Variants in CRTC1 observed in about 807,000 individuals in gnomAD.
CRTC1 encodes CREB regulated transcription coactivator 1.
CRTC1 carries 18 observed loss-of-function variants against 66.1 expected under a neutral mutation model. That is an observed-to-expected ratio of 0.27 (90% CI 0.19 to 0.40). The LOEUF is 0.40. Ranked by LOEUF, CRTC1 falls within the 10% of genes least tolerant of loss-of-function variation. CRTC1 has a pLI of 1.00. For missense variants in CRTC1, 669 were observed against 887.9 expected (o/e 0.75, Z 3.13); for synonymous variants, 416 against 398.8 (o/e 1.04, Z -0.51).
chr19:18,731,598 C>T (rs1336464932), intron 1 of CRTC1, among the ~76,000 whole-genome samples: 1 of 152,236 alleles, frequency 6.6e-6, no homozygotes, highest in Non-Finnish European at 1.5e-5. Context: ...TAACACAGGA[C>T]CCGATTCATC....
intron 1 of CRTC1, among the ~76,000 whole-genome samples, chr19:18,695,819 C>T (rs1285104914): frequency 4.6e-5 from 7 of 152,190 alleles, no homozygotes; most frequent in African/African-American, 1.2e-4. Flanking sequence ...GAGCCGAGAT[C>T]GCGTCACTGC....
At chr19:18,730,003 C>T (rs1335222032) in intron 1 of CRTC1, among the ~76,000 whole-genome samples, 1 of 152,182 alleles carries the variant, frequency 6.6e-6, no homozygotes, top group Non-Finnish European at 1.5e-5. Flanking sequence ...CCAGGGGCCA[C>T]TGCCCAGCAG....
intron 1 of CRTC1, among the ~76,000 whole-genome samples, chr19:18,704,151 A>G (rs1251922272): frequency 6.6e-6 from 1 of 152,044 alleles, no homozygotes; most frequent in Admixed American, 6.6e-5. Context: ...TAAAATAGGG[A>G]TCTGCCTGTG....
Position 18,753,598 on chromosome 19 carries a change from G to A in CRTC1, c.624+13G>A. 1 of 1,594,968 alleles carries A rather than the reference G, an allele frequency of 6.3e-7. No individual in the cohort carries two copies. The highest frequency in any genetic ancestry group is 8.5e-7 in the Non-Finnish European group (1 of 1,170,598). On this transcript the variant is annotated intron_variant, in intron 6 of 13. Transcript: ENST00000321949. ...GGACACCAAGAAGGTAAGAGCCTAT[G>A]AGCTTTCAAAAACTTTTTTTCTTCT...
Position 18,683,687 on chromosome 19 carries a change from A to AGGTGGC in CRTC1, c.-13_-8dup. On this transcript the variant is annotated 5_prime_UTR_variant, in exon 1 of 14. Coordinates refer to ENST00000321949, the MANE Select transcript of CRTC1 (RefSeq NM_015321.3). ...GTGGAGGAGGAGGAGGAGGAGGAGGAGGTGGCGGCGAGAAGATGGCGACTT... is the reference window on the plus strand; with the variant it reads ...GTGGAGGAGGAGGAGGAGGAGGAGGAGGTGGCGGTGGCGGCGAGAAGATGGCGACTT... 7.4e-7 allele frequency: 1 copy of AGGTGGC among 1,360,210 alleles called. No homozygotes were observed. 84.3% of individuals were successfully genotyped at this position (1,360,210 alleles called of 1,614,324 possible).
Position 18,760,135 on chromosome 19 carries a change from G to A in CRTC1, c.793G>A (p.Glu265Lys), listed in dbSNP as rs2054582056. The A allele has an allele frequency of 6.2e-7, 1 of 1,613,876 alleles. No individual in the cohort carries two copies. Among genetic ancestry groups the A allele is most frequent in the Non-Finnish European group, 8.5e-7 (1 of 1,179,904 alleles). Residue 265 changes from glutamate (E) to lysine (K), a missense_variant, in exon 8 of 14, where the codon GAG (glutamate) becomes AAG (lysine). Glu to Lys is a moderately conservative substitution (Grantham distance 56, BLOSUM62 1). This residue lies in a region of CRTC1 where 214 missense variants were observed against 323.4 expected (regional missense o/e 0.66). Coordinates refer to ENST00000321949, the MANE Select transcript of CRTC1 (RefSeq NM_015321.3). The surrounding 1 kb of genome is among the most constrained non-coding windows in gnomAD (Gnocchi z 6.2). ...PSPLPTPLDPEEPTFPALSSS... is the reference protein window; with the variant it reads ...PSPLPTPLDPKEPTFPALSSS... ...CCCGCTCCCGACCCCGCTGGACCCCGAGGAGCCCACCTTCCCTGCACTGAG... is the reference window on the plus strand; with the variant it reads ...CCCGCTCCCGACCCCGCTGGACCCCAAGGAGCCCACCTTCCCTGCACTGAG...
At chr19:18,753,453 A>G (rs761606316) in intron 5 of CRTC1, 47 bp from the exon 6 acceptor site, 7 of 1,439,312 alleles carry the variant, frequency 4.9e-6, no homozygotes, top group Non-Finnish European at 5.8e-6. Context: ...TGCGGCTGCA[A>G]AGAAATTTCT....
chr19:18,752,331 A>G (rs558108141), intron 5 of CRTC1, among the ~76,000 whole-genome samples: 8 of 152,010 alleles, frequency 5.3e-5, no homozygotes, highest in Non-Finnish European at 1.0e-4. Context: ...ATATTATTTT[A>G]TTTTAGAGAC....
chr19:18,767,089 G>A (rs918468904), intron 9 of CRTC1, among the ~76,000 whole-genome samples: 1 of 151,766 alleles, frequency 6.6e-6, no homozygotes, highest in Non-Finnish European at 1.5e-5. Context: ...AGTCAGTTTT[G>A]GTCATTTGTG....
At chr19:18,708,598 G>A (rs1031230863) in intron 1 of CRTC1, among the ~76,000 whole-genome samples, 2 of 152,194 alleles carry the variant, frequency 1.3e-5, no homozygotes, top group Non-Finnish European at 2.9e-5. Context: ...TGTTCTGGAA[G>A]CAGGGCTGGG....
chr19:18,757,705 T>G (rs989849437), intron 6 of CRTC1, among the ~76,000 whole-genome samples: 16 of 151,520 alleles, frequency 1.1e-4, no homozygotes, highest in Non-Finnish European at 1.5e-5. Context: ...GAGCCTCATC[T>G]CTTAAAAAAA....
chr19:18,745,333 G>A (rs541924724), intron 2 of CRTC1, among the ~76,000 whole-genome samples: 27 of 152,318 alleles, frequency 1.8e-4, no homozygotes, highest in South Asian at 1.4e-3. Context: ...AGGAACTCGC[G>A]CTTGGCCAGG....
intron 4 of CRTC1, among the ~76,000 whole-genome samples, chr19:18,747,338 GACAAAA>G (rs560214593): frequency 3.0e-4 from 46 of 151,924 alleles, no homozygotes; most frequent in African/African-American, 1.0e-3. Context: ...CAAAAAAAAA[GACAAAA>G]ACAAAAGTGG....
intron 1 of CRTC1, among the ~76,000 whole-genome samples, chr19:18,733,291 CTT>C (rs1199480077): frequency 1.3e-5 from 2 of 152,148 alleles, no homozygotes; most frequent in Non-Finnish European, 2.9e-5. Flanking sequence ...GCTGGAGTCT[CTT>C]TTGTGGGGAG....
At chr19:18,719,887 C>A (rs929672657) in intron 1 of CRTC1, among the ~76,000 whole-genome samples, 1 of 152,260 alleles carries the variant, frequency 6.6e-6, no homozygotes, top group Non-Finnish European at 1.5e-5. Context: ...CACAGGCCCG[C>A]TCCGGGAAGG....
chr19:18,710,903 A>G (rs1020458211), intron 1 of CRTC1, among the ~76,000 whole-genome samples: 4 of 152,096 alleles, frequency 2.6e-5, no homozygotes, highest in Non-Finnish European at 5.9e-5. Flanking sequence ...GGTGTGAACC[A>G]CCGCGCCCGG....
chr19:18,734,758 A>G (rs746921219), intron 1 of CRTC1, among the ~76,000 whole-genome samples: 1 of 152,226 alleles, frequency 6.6e-6, no homozygotes, highest in Non-Finnish European at 1.5e-5. Context: ...GTTCCCACAC[A>G]CACAGTTTCC....
chr19:18,704,065 G>A (rs1568485687), intron 1 of CRTC1, among the ~76,000 whole-genome samples: 2 of 152,212 alleles, frequency 1.3e-5, no homozygotes, highest in Admixed American at 1.3e-4. Flanking sequence ...ATTGGACTGA[G>A]GTTGTGGGAT....
intron 1 of CRTC1, among the ~76,000 whole-genome samples, chr19:18,719,911 C>T (rs1353422407): frequency 6.6e-6 from 1 of 152,228 alleles, no homozygotes; most frequent in East Asian, 1.9e-4. Flanking sequence ...CAGGCCCGTC[C>T]ATGTGGGCAG....
Sources: gnomAD v4.1 joint callset for allele counts (sites outside exome capture counted in the v4.1 genomes callset) on GRCh38, gnomAD v4.1.1 for gene constraint, gnomAD v4.1.1 regional missense constraint, Gnocchi (gnomAD v3.1) non-coding constraint, MANE v1.5 for transcripts, NCBI Gene and HGNC (gene_info 2026-07-23, HGNC 2026-07-21) for gene names.